The following HELQ variants were observed in gnomAD, a reference collection of about 807,000 sequenced individuals.
HELQ encodes helicase, POLQ like.
A neutral mutation model predicts 111.6 loss-of-function variants in HELQ; 77 were observed. That is an observed-to-expected ratio of 0.69 (90% CI 0.57 to 0.83). The LOEUF (loss-of-function observed/expected upper bound fraction) is 0.83. HELQ is among the 40% of genes least tolerant of loss of function. HELQ has a pLI of 0.00. For missense variants in HELQ, 1,200 were observed against 1,288.5 expected (o/e 0.93, Z 1.05); for synonymous variants, 438 against 454.7 (o/e 0.96, Z 0.47).
intron 14 of HELQ, among the ~76,000 whole-genome samples, chr4:83,422,356 C>T (rs1414843923): frequency 6.6e-6 from 1 of 152,170 alleles, no homozygotes; most frequent in Non-Finnish European, 1.5e-5. Context: ...AAATCCTAAC[C>T]CCTGGTACCT....
Position 83,407,579 on chromosome 4 carries a change from A to T in HELQ, c.3199-19T>A. ...ACAGCATCTACATTAAAAAATTAAG[A>T]CGTGAGGCCAAAATATGCATTGCTA... On this transcript the variant is annotated intron_variant, in intron 17 of 17. Coordinates refer to ENST00000295488, the MANE Select transcript of HELQ (RefSeq NM_133636.5). 6.5e-7 allele frequency: 1 copy of T among 1,532,814 alleles called. No homozygotes were observed. Among genetic ancestry groups the T allele is most frequent in the Non-Finnish European group, 9.0e-7 (1 of 1,109,854 alleles). 95.0% of individuals were successfully genotyped at this position (1,532,814 alleles called of 1,614,324 possible).
chr4:83,442,147 T>A (rs1246239046), intron 6 of HELQ, among the ~76,000 whole-genome samples: 2 of 152,130 alleles, frequency 1.3e-5, no homozygotes, highest in South Asian at 2.1e-4. Flanking sequence ...AAAAACAGTT[T>A]GTAAACACAG....
rs932646024 is a variant in HELQ at position 83,452,583 on chromosome 4, G to A, written c.1012+648C>T. ...GTCAAAGACATACCACAACAGCTAG[G>A]TTTTGGTAGAGAAGACAGAGCCAGC... On this transcript the variant is annotated intron_variant, in intron 2 of 17. Transcript: ENST00000295488. 2.4e-4 allele frequency among the ~76,000 whole-genome samples: 36 copies of A among 152,172 alleles called. 1 individual carries two copies. Among genetic ancestry groups the A allele is most frequent in the African/African-American group, 8.0e-4 (33 of 41,442 alleles).
chr4:83,421,480 TACTG>T (rs1264190770), intron 15 of HELQ, 79 bp downstream of exon 15: 13 of 966,720 alleles, frequency 1.3e-5, no homozygotes, highest in South Asian at 8.1e-5. Flanking sequence ...AATGCTGACA[TACTG>T]ACTAACTGGC....
chr4:83,409,580 A>G lies in HELQ; in HGVS notation c.3199-2020T>C, dbSNP rs143473588. Among the ~76,000 whole-genome samples the G allele has an allele frequency of 3.6e-3, 546 of 151,922 alleles. 17 individuals carry two copies. The highest frequency in any genetic ancestry group is 8.5e-4 in the Non-Finnish European group (58 of 67,936). On this transcript the variant is annotated intron_variant, in intron 17 of 17. Transcript: ENST00000295488. ...AAAAAAAAAAGAGAAAAGAAAACCA[A>G]TAAGAACCCAAACTCTTCATCTCAT...
chr4:83,433,997 G>T lies in HELQ; in HGVS notation c.2049-1730C>A, dbSNP rs1484792013. On this transcript the variant is annotated intron_variant, in intron 9 of 17. Transcript: ENST00000295488. ...TCTGTCTCAAAAAAAAAAAAAAAAG[G>T]AGTAGACTATTATAAGGAAAGAACA... Among the ~76,000 whole-genome samples, 3 of 149,174 alleles carry T rather than the reference G, an allele frequency of 2.0e-5. No individual in the cohort carries two copies. In the East Asian group the frequency reaches 5.9e-4, roughly 30 times the overall value.
chr4:83,446,997 G>C lies in HELQ; in HGVS notation c.1230C>G (p.Phe410Leu). The change falls in exon 4 of 18, where the codon TTC becomes TTG. Residue 410 changes from phenylalanine to leucine, a missense_variant. Physicochemically the swap from Phe to Leu is conservative, Grantham distance 22 (BLOSUM62 0). Around this residue, in one of 3 missense-constraint regions of HELQ, gnomAD observed 610 missense variants for 607.1 expected, o/e 1.00. Transcript: ENST00000295488. ...GLSSFGIELG[F>L]FVEEYAGSKG... ...TGCTTCCAGCATATTCTTCAACAAAGAAACCGAGTTCTATACCAAAACTTG... is the reference window on the plus strand; with the variant it reads ...TGCTTCCAGCATATTCTTCAACAAACAAACCGAGTTCTATACCAAAACTTG... 1.9e-6 allele frequency: 3 copies of C among 1,613,600 alleles called. No homozygotes were observed. Among genetic ancestry groups the C allele is most frequent in the African/African-American group, 1.3e-5 (1 of 75,008 alleles).
intron 14 of HELQ, among the ~76,000 whole-genome samples, chr4:83,422,220 A>AAAAAAT (rs1210336749): frequency 2.3e-4 from 35 of 152,282 alleles, no homozygotes; most frequent in Middle Eastern, 3.4e-3. Flanking sequence ...CCCTGTCTCA[A>AAAAAAT]AAAAATAAAA....
chr4:83,450,419 T>C (rs112159777), intron 2 of HELQ, among the ~76,000 whole-genome samples: 18 of 151,686 alleles, frequency 1.2e-4, no homozygotes, highest in Non-Finnish European at 2.5e-4. Flanking sequence ...CTTTAACTTA[T>C]TGTGCTTTTG....
chr4:83,450,222 TAAAAAAAAAAAA>T lies in HELQ; in HGVS notation c.1013-1273_1013-1262del, dbSNP rs71668650. ...TGTATGTTCAATATACAGTTAAGTT[TAAAAAAAAAAAA>T]AAAAAAAAAAAAAAAAAAAAGCAGA... On this transcript the variant is annotated intron_variant, in intron 2 of 17. Transcript: ENST00000295488. 2.1e-3 allele frequency among the ~76,000 whole-genome samples: 95 copies of T among 45,608 alleles called. No homozygotes were observed. In the East Asian group the frequency reaches 0.051, roughly 24 times the overall value. 29.9% of individuals were successfully genotyped at this position (45,608 alleles called of 152,430 possible).
chr4:83,422,211 C>A (rs1170962668), intron 14 of HELQ, among the ~76,000 whole-genome samples: 3 of 151,346 alleles, frequency 2.0e-5, no homozygotes, highest in African/African-American at 4.9e-5. Flanking sequence ...AGAGTGAGAC[C>A]CTGTCTCAAA....
intron 11 of HELQ, 48 bp downstream of exon 11, chr4:83,431,616 C>T: frequency 1.1e-6 from 1 of 889,382 alleles, no homozygotes; most frequent in Non-Finnish European, 1.7e-6. Context: ...TTTTTAACCT[C>T]TATTGTCTCA....
intron 2 of HELQ, among the ~76,000 whole-genome samples, chr4:83,451,994 G>A (rs17006832): frequency 0.065 from 9,946 of 152,242 alleles, 1,090 homozygotes; most frequent in African/African-American, 0.23. Flanking sequence ...GAAAACTTAC[G>A]AAGTGGAAGG....
At chr4:83,407,680 TATA>T (rs1200425135) in intron 17 of HELQ, 120 bp from the exon 18 acceptor site, 26 of 633,594 alleles carry the variant, frequency 4.1e-5, no homozygotes, top group Admixed American at 1.7e-4. Flanking sequence ...ACATTAAAAC[TATA>T]ATGAGATTGA....
chr4:83,410,111 G>A (rs565071604), intron 17 of HELQ, among the ~76,000 whole-genome samples: 1 of 152,188 alleles, frequency 6.6e-6, no homozygotes, highest in Admixed American at 6.5e-5. Flanking sequence ...AATTAGCCAG[G>A]AATGGTGGCC....
At chr4:83,443,844 A>G (rs1389034196) in intron 5 of HELQ, among the ~76,000 whole-genome samples, 3 of 152,104 alleles carry the variant, frequency 2.0e-5, no homozygotes, top group Admixed American at 2.0e-4. Context: ...CAGGACTTCA[A>G]CACTAGCCTG....
intron 17 of HELQ, among the ~76,000 whole-genome samples, chr4:83,413,158 T>G (rs574403327): frequency 6.6e-6 from 1 of 152,344 alleles, no homozygotes; most frequent in South Asian, 2.1e-4. Context: ...ATGAATCTCT[T>G]CATCTGTATC....
rs1720885225 is a variant in HELQ at position 83,443,526 on chromosome 4, T to C, written c.1554A>G (p.Gln518=). The part of the protein sequence containing the change: ...KFLQAEYYTS[Q]FRPVELKEYL... ...AACCTTAGGTACATACTGGTCTAAA[T>C]TGACTGGTATAATATTCTGCTTGAA... Residue 518 remains glutamine, a synonymous_variant, in exon 6 of 18, where the codon CAA becomes CAG. Transcript: ENST00000295488. 3 of 1,511,658 alleles carry C rather than the reference T, an allele frequency of 2.0e-6. No homozygotes were observed. Among genetic ancestry groups the C allele is most frequent in the Non-Finnish European group, 2.7e-6 (3 of 1,091,740 alleles). 93.6% of individuals were successfully genotyped at this position (1,511,658 alleles called of 1,614,324 possible).
At chr4:83,430,840 T>C (rs940037560) in intron 11 of HELQ, among the ~76,000 whole-genome samples, 1 of 151,298 alleles carries the variant, frequency 6.6e-6, no homozygotes, top group African/African-American at 2.4e-5. Context: ...TTTGTTTTTG[T>C]ACTGTTTCCT....
Sources: allele counts gnomAD v4.1 joint callset (sites outside exome capture counted in the v4.1 genomes callset), GRCh38; gene constraint gnomAD v4.1.1; regional missense constraint gnomAD v4.1.1; transcripts MANE v1.5; gene names NCBI Gene and HGNC (gene_info 2026-07-23, HGNC 2026-07-21).